Variants in PVT1 observed in about 807,000 individuals in gnomAD.
PVT1 encodes the protein CXCR4/PVT1 fusion.
intron 3 of PVT1, among the ~76,000 whole-genome samples, chr8:127,933,096 A>T (rs1237023260): frequency 6.6e-6 from 1 of 151,858 alleles, no homozygotes; most frequent in East Asian, 1.9e-4. Context: ...TTCTTTTGAG[A>T]TGGAGTTTCG....
At chr8:127,854,299 C>T (rs1719285004) in intron 2 of PVT1, among the ~76,000 whole-genome samples, 1 of 152,228 alleles carries the variant, frequency 6.6e-6, no homozygotes, top group Non-Finnish European at 1.5e-5. Context: ...CTGCCTGGCA[C>T]AAGACCCCCT....
intron 5 of PVT1, among the ~76,000 whole-genome samples, chr8:128,087,770 T>TTTTTTTTTTTTTTTTTTTTTTTTG (rs370583568): frequency 8.7e-6 from 1 of 115,592 alleles, no homozygotes; most frequent in Admixed American, 9.4e-5. Context: ...TTTTTTTTTT[T>TTTTTTTTTTTTTTTTTTTTTTTTG]GAGATGGAGT....
intron 3 of PVT1, among the ~76,000 whole-genome samples, chr8:127,950,660 A>C (rs1367260537): frequency 6.6e-6 from 1 of 152,124 alleles, no homozygotes; most frequent in Non-Finnish European, 1.5e-5. Context: ...ACCAGAACTA[A>C]AGACTGACCT....
At chr8:127,852,493 T>C (rs977376829) in intron 2 of PVT1, 14 of 152,264 alleles carry the variant, frequency 9.2e-5, no homozygotes, top group Non-Finnish European at 1.8e-4. Context: ...AATCCACCTG[T>C]GTGATGTTGT....
chr8:127,864,485 G>A (rs201974096), intron 2 of PVT1, among the ~76,000 whole-genome samples: 4 of 152,180 alleles, frequency 2.6e-5, no homozygotes, highest in Admixed American at 2.0e-4. Flanking sequence ...CCCACCCCTC[G>A]CTCCTTCTCT....
chr8:127,954,398 G>T (rs545890923), intron 3 of PVT1, among the ~76,000 whole-genome samples: 1 of 150,638 alleles, frequency 6.6e-6, no homozygotes, highest in African/African-American at 2.5e-5. Flanking sequence ...AGGTTCAAGC[G>T]ATTTTCCGGC....
intron 4 of PVT1, among the ~76,000 whole-genome samples, chr8:128,023,773 G>T (rs538003240): frequency 6.6e-6 from 1 of 152,134 alleles, no homozygotes; most frequent in Non-Finnish European, 1.5e-5. Context: ...CTAGTTTTAC[G>T]TGAGATGTCG....
chr8:127,973,538 C>T (rs1485234279), intron 3 of PVT1, among the ~76,000 whole-genome samples: 1 of 152,130 alleles, frequency 6.6e-6, no homozygotes, highest in Non-Finnish European at 1.5e-5. Context: ...TTGGCCACCC[C>T]TGCTTGGACT....
At chr8:128,030,313 A>G (rs1813373699) in intron 4 of PVT1, among the ~76,000 whole-genome samples, 1 of 152,170 alleles carries the variant, frequency 6.6e-6, no homozygotes, top group South Asian at 2.1e-4. Context: ...CTTTTCATAT[A>G]TATTTCATTT....
intron 2 of PVT1, among the ~76,000 whole-genome samples, chr8:127,890,320 C>T (rs947590141): frequency 2.6e-5 from 4 of 152,214 alleles, no homozygotes; most frequent in Non-Finnish European, 4.4e-5. Flanking sequence ...GGATGCCCCC[C>T]AGCCTCCTCT....
At chr8:127,991,140 CTTTT>C (rs35494368) in intron 4 of PVT1, among the ~76,000 whole-genome samples, 2 of 73,100 alleles carry the variant, frequency 2.7e-5, no homozygotes, top group Admixed American at 1.3e-4. Context: ...TCTTTTCTTT[CTTTT>C]TTTTTTTTTT....
chr8:127,843,978 T>C (rs939265420), intron 2 of PVT1, among the ~76,000 whole-genome samples: 9 of 151,814 alleles, frequency 5.9e-5, no homozygotes, highest in African/African-American at 2.2e-4. Context: ...GATGCATGTC[T>C]ACATTATTAT....
chr8:127,915,612 CAAAAAAAAAA>C (rs61238663), intron 3 of PVT1, among the ~76,000 whole-genome samples: 63 of 64,496 alleles, frequency 9.8e-4, no homozygotes, highest in Non-Finnish European at 1.7e-3. Context: ...AACTCCATCT[CAAAAAAAAAA>C]AAAAAAAAAA....
intron 3 of PVT1, among the ~76,000 whole-genome samples, chr8:127,923,608 A>G (rs995469140): frequency 6.6e-6 from 1 of 152,330 alleles, no homozygotes; most frequent in African/African-American, 2.4e-5. Context: ...TGTCTCCCCA[A>G]CAGCATCACA....
At chr8:127,916,993 C>G (rs1815993478) in intron 3 of PVT1, among the ~76,000 whole-genome samples, 1 of 152,194 alleles carries the variant, frequency 6.6e-6, no homozygotes, top group African/African-American at 2.4e-5. Flanking sequence ...TGGATTATCT[C>G]ACCTTGCACA....
chr8:127,866,193 A>C (rs1321045438), intron 2 of PVT1, among the ~76,000 whole-genome samples: 1 of 152,074 alleles, frequency 6.6e-6, no homozygotes, highest in Non-Finnish European at 1.5e-5. Context: ...CCTACTCCTC[A>C]AGCTGATCAT....
At chr8:128,005,914 C>T (rs1319421627) in intron 4 of PVT1, among the ~76,000 whole-genome samples, 1 of 151,916 alleles carries the variant, frequency 6.6e-6, no homozygotes, top group Non-Finnish European at 1.5e-5. Flanking sequence ...GGCCAAGCAG[C>T]CAACAAGGTG....
intron 5 of PVT1, among the ~76,000 whole-genome samples, chr8:128,071,626 A>G (rs895306882): frequency 2.0e-5 from 3 of 151,696 alleles, no homozygotes; most frequent in East Asian, 1.9e-4. Flanking sequence ...TCAAGGCTAC[A>G]GTGAGCTCTG....
intron 5 of PVT1, among the ~76,000 whole-genome samples, chr8:128,083,221 T>C (rs1814212014): frequency 6.6e-6 from 1 of 152,252 alleles, no homozygotes; most frequent in African/African-American, 2.4e-5. Flanking sequence ...ATTCATATGA[T>C]TGTTAGGATC....
Sources: gnomAD v4.1 joint callset for allele counts (sites outside exome capture counted in the v4.1 genomes callset) on GRCh38, gnomAD v4.1.1 for gene constraint, MANE v1.5 for transcripts, NCBI Gene and HGNC (gene_info 2026-07-23, HGNC 2026-07-21) for gene names.